PLPP4: variants seen among roughly 807,000 people sequenced by gnomAD.
PLPP4 encodes the protein diacylglycerol pyrophosphate like 2.
Under a neutral mutation model 32.2 loss-of-function variants are expected in PLPP4, and 20 were observed. That is an observed-to-expected ratio of 0.62 (90% CI 0.44 to 0.90). The LOEUF is 0.90. Among genes scored for constraint, PLPP4 ranks in the 40% least tolerant of loss-of-function variants. The pLI is 0.00. For synonymous variants in PLPP4, 127 were observed against 133.0 expected (o/e 0.95, Z 0.31); for missense variants, 257 against 353.1 (o/e 0.73, Z 2.18).
chr10:120,467,164 C>T lies in PLPP4; in HGVS notation c.56+9803C>T, dbSNP rs1296194228. Reference sequence around the variant, plus strand: ...CACAATCTCGGCTCACTGCAAGCTCCGCCTCCCAGGTTCACGCCATTCTCC... The same window carrying T: ...CACAATCTCGGCTCACTGCAAGCTCTGCCTCCCAGGTTCACGCCATTCTCC... On this transcript the variant is annotated intron_variant, in intron 1 of 6. Transcript: ENST00000398250. Among the ~76,000 whole-genome samples the T allele has an allele frequency of 5.5e-5, 7 of 127,276 alleles. 1 individual carries two copies. The highest frequency in any genetic ancestry group is 5.2e-4 in the Admixed American group (6 of 11,574). The allele number at this position is 127,276 out of a possible 152,430, so 83.5% of individuals were successfully genotyped here.
At chr10:120,572,596 A>G (rs1304517032) in intron 5 of PLPP4, among the ~76,000 whole-genome samples, 1 of 151,790 alleles carries the variant, frequency 6.6e-6, no homozygotes, top group Non-Finnish European at 1.5e-5. Flanking sequence ...GCCCCAGGGC[A>G]GTTTTTTTTG....
At chr10:120,549,587 G>A (rs1372559186) in intron 5 of PLPP4, among the ~76,000 whole-genome samples, 1 of 151,804 alleles carries the variant, frequency 6.6e-6, no homozygotes, top group Non-Finnish European at 1.5e-5. Flanking sequence ...AAAACTATAG[G>A]CCAATATTCC....
At chr10:120,579,897 G>T (rs918025233) in intron 6 of PLPP4, among the ~76,000 whole-genome samples, 1 of 150,866 alleles carries the variant, frequency 6.6e-6, no homozygotes, top group Non-Finnish European at 1.5e-5. Context: ...CACGAGGTCA[G>T]GAGATAGAGA....
intron 1 of PLPP4, among the ~76,000 whole-genome samples, chr10:120,470,463 CT>C (rs1284004494): frequency 6.6e-6 from 1 of 152,030 alleles, no homozygotes; most frequent in African/African-American, 2.4e-5. Flanking sequence ...TGAGTCTTTC[CT>C]TGTGGTTTCA....
Position 120,589,558 on chromosome 10 carries a change from C to A in PLPP4, c.*56C>A. ...CTGGGCACATCTGCCACCCTGACAT[C>A]ATAACACAATAGAAATGGTTTTCTG... On this transcript the variant is annotated 3_prime_UTR_variant, in exon 7 of 7. Coordinates refer to ENST00000398250, the MANE Select transcript of PLPP4 (RefSeq NM_001030059.3). The A allele has an allele frequency of 7.4e-7, 1 of 1,345,510 alleles. No individual in the cohort carries two copies. The highest frequency in any genetic ancestry group is 1.9e-5 in the Admixed American group (1 of 51,536). The allele number at this position is 1,345,510 out of a possible 1,614,324, so 83.3% of individuals were successfully genotyped here.
chr10:120,530,872 G>A (rs1424403324), intron 5 of PLPP4, among the ~76,000 whole-genome samples: 1 of 152,150 alleles, frequency 6.6e-6, no homozygotes, highest in Non-Finnish European at 1.5e-5. Flanking sequence ...TGGTATCTCT[G>A]TAGTTGTAAT....
intron 1 of PLPP4, among the ~76,000 whole-genome samples, chr10:120,475,086 C>G (rs915526148): frequency 6.6e-6 from 1 of 152,082 alleles, no homozygotes. Context: ...ACCCTAATGA[C>G]TTCAGTGAAA....
intron 5 of PLPP4, among the ~76,000 whole-genome samples, chr10:120,544,625 C>T (rs971903815): frequency 1.3e-5 from 2 of 152,198 alleles, no homozygotes. Context: ...GTGAGCCTGT[C>T]CTCCCTTCTA....
intron 2 of PLPP4, among the ~76,000 whole-genome samples, chr10:120,511,267 G>A (rs1845716696): frequency 6.6e-6 from 1 of 152,176 alleles, no homozygotes; most frequent in Admixed American, 6.5e-5. Flanking sequence ...CAGCTCTAAT[G>A]AATTCTTCAG....
At chr10:120,484,490 G>A (rs1443877609) in intron 1 of PLPP4, among the ~76,000 whole-genome samples, 1 of 152,214 alleles carries the variant, frequency 6.6e-6, no homozygotes, top group Non-Finnish European at 1.5e-5. Context: ...GCAAGAGAAG[G>A]TGAGAGAGGG....
chr10:120,570,338 A>G (rs1001973589), intron 5 of PLPP4, among the ~76,000 whole-genome samples: 32 of 152,128 alleles, frequency 2.1e-4, no homozygotes, highest in African/African-American at 7.7e-4. Flanking sequence ...AGGTTTATTA[A>G]ACTACCCAAC....
chr10:120,564,216 T>G (rs970638014), intron 5 of PLPP4, among the ~76,000 whole-genome samples: 2 of 152,218 alleles, frequency 1.3e-5, no homozygotes, highest in East Asian at 3.9e-4. Flanking sequence ...CATTGTTTTC[T>G]TCTGTGACCC....
chr10:120,528,666 A>G (rs1846545643), intron 5 of PLPP4, among the ~76,000 whole-genome samples: 1 of 152,066 alleles, frequency 6.6e-6, no homozygotes, highest in Non-Finnish European at 1.5e-5. Context: ...CAAATAAAGG[A>G]AGACTCCCCC....
At chr10:120,493,015 C>G (rs1384653000) in intron 1 of PLPP4, among the ~76,000 whole-genome samples, 1 of 152,222 alleles carries the variant, frequency 6.6e-6, no homozygotes, top group Non-Finnish European at 1.5e-5. Flanking sequence ...GGGCATTCTT[C>G]TACATATCCA....
At chr10:120,490,978 C>T (rs547863333) in intron 1 of PLPP4, among the ~76,000 whole-genome samples, 3 of 152,202 alleles carry the variant, frequency 2.0e-5, no homozygotes, top group African/African-American at 4.8e-5. Context: ...GCATTCTTTC[C>T]TGTCCTCGAG....
intron 1 of PLPP4, among the ~76,000 whole-genome samples, chr10:120,486,327 C>T (rs1328316090): frequency 6.6e-6 from 1 of 151,808 alleles, no homozygotes; most frequent in Non-Finnish European, 1.5e-5. Flanking sequence ...GACATGGACT[C>T]GCCCTGCCTC....
intron 5 of PLPP4, among the ~76,000 whole-genome samples, chr10:120,568,271 C>T (rs1848776460): frequency 1.3e-5 from 2 of 152,224 alleles, no homozygotes; most frequent in African/African-American, 2.4e-5. Flanking sequence ...ATTTATATTC[C>T]CTTCCTGTGC....
intron 5 of PLPP4, among the ~76,000 whole-genome samples, 197 bp from the exon 6 acceptor site, chr10:120,574,934 C>G (rs925543898): frequency 1.3e-5 from 2 of 151,764 alleles, no homozygotes; most frequent in African/African-American, 4.8e-5. Context: ...ACATATAACC[C>G]TGGAAGATTA....
chr10:120,498,161 A>G (rs1845059606), intron 1 of PLPP4, among the ~76,000 whole-genome samples: 1 of 152,264 alleles, frequency 6.6e-6, no homozygotes, highest in Admixed American at 6.5e-5. Context: ...ATTAAAGAAA[A>G]TAATACGTTT....
Sources: gnomAD v4.1 joint callset for allele counts (sites outside exome capture counted in the v4.1 genomes callset) on GRCh38, gnomAD v4.1.1 for gene constraint, MANE v1.5 for transcripts, NCBI Gene and HGNC (gene_info 2026-07-23, HGNC 2026-07-21) for gene names.